Variants in FIG4 observed in about 807,000 individuals in gnomAD.
The protein encoded by FIG4 is polyphosphoinositide phosphatase.
Under a neutral mutation model 118.6 loss-of-function variants are expected in FIG4, and 112 were observed. That is an observed-to-expected ratio of 0.94 (90% CI 0.81 to 1.11). FIG4 has a LOEUF of 1.11. Ranked by LOEUF, FIG4 falls within the 50% of genes least tolerant of loss-of-function variation. The probability of loss-of-function intolerance (pLI) is 0.00; values close to 1 mark genes in which losing one functional copy is unlikely to be tolerated. For missense variants in FIG4, 969 were observed against 1,111.7 expected (o/e 0.87, Z 1.83); for synonymous variants, 369 against 381.2 (o/e 0.97, Z 0.37).
intron 1 of FIG4, among the ~76,000 whole-genome samples, chr6:109,711,473 A>G (rs566042939): frequency 5.3e-5 from 8 of 152,270 alleles, no homozygotes; most frequent in African/African-American, 1.7e-4. Context: ...TATTTAGGAT[A>G]GTTATATCTT....
intron 1 of FIG4, among the ~76,000 whole-genome samples, chr6:109,703,340 G>T (rs1774960805): frequency 6.6e-6 from 1 of 151,484 alleles, no homozygotes; most frequent in Non-Finnish European, 1.5e-5. Context: ...TTCTTTTTGT[G>T]CTCTCTTCTT....
chr6:109,741,412 G>A lies in FIG4; in HGVS notation c.776-32G>A, dbSNP rs780715143. On this transcript the variant is annotated intron_variant, in intron 7 of 22. Coordinates refer to ENST00000230124, the MANE Select transcript of FIG4 (RefSeq NM_014845.6). ...TCTCTTGGTCTTATGTGACAGTCAT[G>A]AATGCTAAACAACCTTAACTTGATT... 45 of 1,344,492 alleles carry A rather than the reference G, an allele frequency of 3.3e-5. No individual in the cohort carries two copies. The African/African-American group carries it at 6.2e-4, about 18-fold the overall frequency. The allele number at this position is 1,344,492 out of a possible 1,614,324, so 83.3% of individuals were successfully genotyped here. A position where few individuals can be genotyped will look rare whatever the true frequency, so the allele number is the denominator to read the frequency against.
intron 1 of FIG4, among the ~76,000 whole-genome samples, chr6:109,702,695 C>G (rs1015113159): frequency 2.0e-5 from 3 of 151,950 alleles, no homozygotes; most frequent in Non-Finnish European, 4.4e-5. Flanking sequence ...TTATTTATCT[C>G]CTTTCCCTAC....
intron 22 of FIG4, among the ~76,000 whole-genome samples, chr6:109,814,695 G>A (rs548306066): frequency 6.6e-6 from 1 of 152,154 alleles, no homozygotes; most frequent in Non-Finnish European, 1.5e-5. Context: ...TTTCACCAGA[G>A]TCTCCTCAGC....
chr6:109,724,997 C>T (rs1199079301), intron 3 of FIG4, among the ~76,000 whole-genome samples: 1 of 152,106 alleles, frequency 6.6e-6, no homozygotes, highest in African/African-American at 2.4e-5. Flanking sequence ...GGAACAACAA[C>T]TCCTCTTAAT....
At chr6:109,775,186 A>G (rs1045601634) in intron 15 of FIG4, among the ~76,000 whole-genome samples, 1 of 152,108 alleles carries the variant, frequency 6.6e-6, no homozygotes, top group African/African-American at 2.4e-5. Flanking sequence ...CCTTGTTCAT[A>G]TCCAGAGTAC....
At chr6:109,696,427 A>G (rs1196681566) in intron 1 of FIG4, among the ~76,000 whole-genome samples, 1 of 152,246 alleles carries the variant, frequency 6.6e-6, no homozygotes, top group Non-Finnish European at 1.5e-5. Flanking sequence ...TGTCAAAGAC[A>G]TATCAGCACC....
intron 10 of FIG4, among the ~76,000 whole-genome samples, chr6:109,753,558 A>T (rs1057237973): frequency 6.6e-6 from 1 of 152,180 alleles, no homozygotes; most frequent in African/African-American, 2.4e-5. Flanking sequence ...CACAATATTG[A>T]TTGTTCCTAC....
At chr6:109,702,331 T>G (rs1287352941) in intron 1 of FIG4, among the ~76,000 whole-genome samples, 2 of 152,332 alleles carry the variant, frequency 1.3e-5, no homozygotes, top group African/African-American at 4.8e-5. Context: ...TTAGAAATAC[T>G]CATCTTTATA....
chr6:109,775,042 G>A (rs1777579656), intron 15 of FIG4, among the ~76,000 whole-genome samples: 3 of 152,050 alleles, frequency 2.0e-5, no homozygotes. Context: ...TAGTAAAATT[G>A]GCTAATGTTT....
chr6:109,741,057 C>T (rs1206570612), intron 7 of FIG4, among the ~76,000 whole-genome samples: 2 of 152,170 alleles, frequency 1.3e-5, no homozygotes, highest in Admixed American at 1.3e-4. Flanking sequence ...CCACCAGACC[C>T]TACCCTGACA....
At chr6:109,709,215 G>T (rs947817890) in intron 1 of FIG4, among the ~76,000 whole-genome samples, 1 of 152,178 alleles carries the variant, frequency 6.6e-6, no homozygotes, top group African/African-American at 2.4e-5. Context: ...TTATTGAATA[G>T]GGAATCCTTT....
At chr6:109,786,546 G>A (rs1161993430) in intron 18 of FIG4, 97 bp downstream of exon 18, 3 of 1,397,988 alleles carry the variant, frequency 2.1e-6, no homozygotes, top group Admixed American at 1.7e-5. Flanking sequence ...CCATTCTGTA[G>A]GCCTTCTGTC....
intron 10 of FIG4, among the ~76,000 whole-genome samples, chr6:109,754,293 C>G (rs2128389522): frequency 6.6e-6 from 1 of 152,292 alleles, no homozygotes; most frequent in South Asian, 2.1e-4. Context: ...ATGAAGCCCA[C>G]TTGATCATGG....
In FIG4 at chr6:109,795,595, CTTTTTTTTTTTTTTT is replaced by C. The variant is rs72384711; in HGVS notation, c.2460-1158_2460-1144del. Among the ~76,000 whole-genome samples the C allele has an allele frequency of 4.3e-5, 3 of 69,538 alleles. 1 individual carries two copies. The highest frequency in any genetic ancestry group is 1.1e-3 in the South Asian group (2 of 1,862). 45.6% of individuals were successfully genotyped at this position (69,538 alleles called of 152,430 possible). A position where few individuals can be genotyped will look rare whatever the true frequency, so the allele number is the denominator to read the frequency against. On this transcript the variant is annotated intron_variant, in intron 21 of 22. Transcript: ENST00000230124. ...GAAATCTGTTCTTTTGGTTTCAGTC[CTTTTTTTTTTTTTTT>C]TTTTTTTTTTTGAGACAGTCTCTCT...
At chr6:109,764,166 C>T (rs1057038116) in intron 13 of FIG4, among the ~76,000 whole-genome samples, 184 bp downstream of exon 13, 4 of 151,996 alleles carry the variant, frequency 2.6e-5, no homozygotes, top group African/African-American at 7.2e-5. Flanking sequence ...TGGCTGGGCG[C>T]GGTGGCTCAT....
intron 22 of FIG4, among the ~76,000 whole-genome samples, chr6:109,799,783 C>G (rs1032145807): frequency 2.0e-5 from 3 of 152,204 alleles, no homozygotes; most frequent in Admixed American, 6.5e-5. Context: ...TGGACACTTT[C>G]AACCACGGTC....
chr6:109,721,861 C>A (rs925722462), intron 3 of FIG4, among the ~76,000 whole-genome samples: 2 of 152,006 alleles, frequency 1.3e-5, no homozygotes, highest in African/African-American at 4.8e-5. Context: ...TTCCCTTATA[C>A]AAATTATGAA....
intron 16 of FIG4, among the ~76,000 whole-genome samples, chr6:109,779,849 A>G (rs893735406): frequency 6.6e-6 from 1 of 152,210 alleles, no homozygotes; most frequent in African/African-American, 2.4e-5. Context: ...GCTGAGTTGG[A>G]ATTTCTGCAA....
Sources: allele counts gnomAD v4.1 joint callset (sites outside exome capture counted in the v4.1 genomes callset), GRCh38; gene constraint gnomAD v4.1.1; transcripts MANE v1.5; gene names NCBI Gene and HGNC (gene_info 2026-07-23, HGNC 2026-07-21).